The following TMEM178B variants were observed in gnomAD, a reference collection of about 807,000 sequenced individuals.
TMEM178B encodes the protein transmembrane protein 178B.
A neutral mutation model predicts 31.0 loss-of-function variants in TMEM178B; 5 were observed. The observed-to-expected ratio is 0.16, with a 90% confidence interval of 0.08 to 0.34. The LOEUF is 0.34. TMEM178B is among the 10% of genes least tolerant of loss of function. The probability of loss-of-function intolerance (pLI) is 1.00; values close to 1 mark genes in which losing one functional copy is unlikely to be tolerated. For missense variants in TMEM178B, 275 were observed against 400.3 expected, an observed-to-expected ratio of 0.69 and a Z score of 2.67; for synonymous variants, 164 against 164.0, an observed-to-expected ratio of 1.00 and a Z score of 0.00.
At chr7:141,238,633 T>C (rs1460743196) in intron 2 of TMEM178B, among the ~76,000 whole-genome samples, 2 of 152,080 alleles carry the variant, frequency 1.3e-5, no homozygotes, top group Non-Finnish European at 2.9e-5. Flanking sequence ...AAATCACTCT[T>C]AGTGATGGAA....
chr7:141,354,587 G>A (rs1254507073), intron 2 of TMEM178B, among the ~76,000 whole-genome samples: 1 of 152,186 alleles, frequency 6.6e-6, no homozygotes, highest in Non-Finnish European at 1.5e-5. Flanking sequence ...GCAGTTTCTT[G>A]TATTCTTTCG....
intron 2 of TMEM178B, among the ~76,000 whole-genome samples, chr7:141,231,643 T>C (rs967504542): frequency 5.3e-5 from 8 of 152,214 alleles, no homozygotes; most frequent in Non-Finnish European, 8.8e-5. Flanking sequence ...TGCCACTGCA[T>C]CTGCAAGGTG....
chr7:141,302,272 A>T (rs778289028), intron 2 of TMEM178B, among the ~76,000 whole-genome samples: 2 of 152,250 alleles, frequency 1.3e-5, no homozygotes, highest in Non-Finnish European at 2.9e-5. Flanking sequence ...GAAGGAAATT[A>T]TGATGCATGC....
intron 2 of TMEM178B, among the ~76,000 whole-genome samples, chr7:141,357,366 C>G (rs1195128396): frequency 6.6e-6 from 1 of 152,112 alleles, no homozygotes. Context: ...TTTGTATGCC[C>G]TCTCTCCCAC....
At chr7:141,242,034 G>T (rs1474716404) in intron 2 of TMEM178B, among the ~76,000 whole-genome samples, 1 of 152,236 alleles carries the variant, frequency 6.6e-6, no homozygotes, top group East Asian at 1.9e-4. Context: ...AATTGAAAAT[G>T]TGAATGCACA....
At chr7:141,137,177 G>T (rs1022510822) in intron 1 of TMEM178B, among the ~76,000 whole-genome samples, 3 of 152,028 alleles carry the variant, frequency 2.0e-5, no homozygotes, top group Non-Finnish European at 2.9e-5. Context: ...ACTTAAAATA[G>T]AACTACTATA....
intron 1 of TMEM178B, among the ~76,000 whole-genome samples, chr7:141,100,034 T>C (rs1795028621): frequency 2.6e-5 from 4 of 152,088 alleles, no homozygotes; most frequent in Admixed American, 6.5e-5. Context: ...TTAGCCAGGA[T>C]GGTCTCGATC....
intron 2 of TMEM178B, among the ~76,000 whole-genome samples, chr7:141,368,253 A>T (rs1223030573): frequency 6.6e-6 from 1 of 152,176 alleles, no homozygotes; most frequent in Non-Finnish European, 1.5e-5. Context: ...TGGGGGGTGG[A>T]GGTTGCAGTG....
intron 2 of TMEM178B, among the ~76,000 whole-genome samples, chr7:141,357,987 C>T (rs1799850530): frequency 6.6e-6 from 1 of 152,206 alleles, no homozygotes; most frequent in Non-Finnish European, 1.5e-5. Flanking sequence ...TGTACAGCAG[C>T]TCATATATCC....
At chr7:141,433,767 T>A (rs547937713) in intron 2 of TMEM178B, among the ~76,000 whole-genome samples, 3 of 152,372 alleles carry the variant, frequency 2.0e-5, no homozygotes, top group African/African-American at 7.2e-5. Context: ...ATCTACCTTA[T>A]AAGTTGTTGT....
At position 141,214,446 on chromosome 7, in the gene TMEM178B, A is replaced by G. The variant is rs13226318; in HGVS notation, c.496+1742A>G. On this transcript the variant is annotated intron_variant, in intron 2 of 3. Transcript: ENST00000565468. ...GGATGGGGAGAGACATTCATAATAC[A>G]AGTAATTACAAGGCAATGTGATAAT... is the stretch of plus-strand genomic sequence containing the variant. Among the ~76,000 whole-genome samples the G allele has an allele frequency of 7.7e-3, 1,175 of 152,334 alleles. 8 individuals are homozygous for G. Among genetic ancestry groups the G allele is most frequent in the Middle Eastern group, 0.034 (10 of 294 alleles).
intron 1 of TMEM178B, among the ~76,000 whole-genome samples, chr7:141,142,730 G>A (rs776368318): frequency 1.3e-5 from 2 of 152,200 alleles, no homozygotes; most frequent in Non-Finnish European, 2.9e-5. Flanking sequence ...TCATTTGGAT[G>A]TATTCCCAGT....
At chr7:141,389,525 T>C (rs998077112) in intron 2 of TMEM178B, among the ~76,000 whole-genome samples, 7 of 152,222 alleles carry the variant, frequency 4.6e-5, no homozygotes, top group Admixed American at 3.3e-4. Context: ...CACTTACAGC[T>C]GGGAAGATTG....
At chr7:141,200,423 GA>G (rs1563115561) in intron 1 of TMEM178B, among the ~76,000 whole-genome samples, 1 of 152,086 alleles carries the variant, frequency 6.6e-6, no homozygotes, top group Non-Finnish European at 1.5e-5. Flanking sequence ...GTTGCGGGGG[GA>G]GACAGGATGG....
rs534203553 is a variant in TMEM178B, at chr7:141,252,582, T to A, written c.496+39878T>A. Among the ~76,000 whole-genome samples, 84 of 152,312 alleles carry A rather than the reference T, an allele frequency of 5.5e-4. 1 individual carries two copies. In the South Asian group the frequency reaches 0.017, roughly 31 times the overall value. On this transcript the variant is annotated intron_variant, in intron 2 of 3. Transcript: ENST00000565468. ...ATGTCTATCTGAATTTTGGAGTTAG[T>A]AAACACATCAGTGTTACATAGTTTG...
At chr7:141,360,811 C>T (rs537277109) in intron 2 of TMEM178B, among the ~76,000 whole-genome samples, 4 of 152,122 alleles carry the variant, frequency 2.6e-5, no homozygotes, top group African/African-American at 7.2e-5. Flanking sequence ...TCAAGTTCTA[C>T]GTTTTGGTTT....
At chr7:141,261,544 A>G (rs1428020612) in intron 2 of TMEM178B, among the ~76,000 whole-genome samples, 1 of 152,080 alleles carries the variant, frequency 6.6e-6, no homozygotes, top group Admixed American at 6.6e-5. Context: ...TTAGTCATAT[A>G]TGGTTTCAGA....
intron 1 of TMEM178B, among the ~76,000 whole-genome samples, chr7:141,172,764 C>T (rs1796368694): frequency 6.6e-6 from 1 of 152,194 alleles, no homozygotes; most frequent in South Asian, 2.1e-4. Flanking sequence ...TACTTCTAGT[C>T]TGCTGTACTT....
intron 2 of TMEM178B, among the ~76,000 whole-genome samples, chr7:141,325,825 A>G (rs1050056537): frequency 4.1e-5 from 2 of 48,474 alleles, no homozygotes; most frequent in East Asian, 3.0e-4. Context: ...AGCCCTGGGA[A>G]AAAAAAAAGT....
Sources: gnomAD v4.1 joint callset for allele counts (sites outside exome capture counted in the v4.1 genomes callset) on GRCh38, gnomAD v4.1.1 for gene constraint, MANE v1.5 for transcripts, NCBI Gene and HGNC (gene_info 2026-07-23, HGNC 2026-07-21) for gene names.